The following FREM3 variants were observed in gnomAD, a reference collection of about 807,000 sequenced individuals.
FREM3 encodes FRAS1 related extracellular matrix 3.
FREM3 carries 105 observed loss-of-function variants against 129.1 expected under a neutral mutation model. That is an observed-to-expected ratio of 0.81 (90% CI 0.69 to 0.96). FREM3 has a LOEUF of 0.96. Ranked by LOEUF, FREM3 falls within the 40% of genes least tolerant of loss-of-function variation. The pLI, the probability that FREM3 is intolerant of heterozygous loss-of-function variation, is 0.00. For synonymous variants in FREM3, 1,014 were observed against 1,044.9 expected, an observed-to-expected ratio of 0.97 and a Z score of 0.57; for missense variants, 2,593 against 2,666.3, an observed-to-expected ratio of 0.97 and a Z score of 0.61.
chr4:143,683,945 G>A (rs1039960997), intron 2 of FREM3, among the ~76,000 whole-genome samples: 2 of 152,052 alleles, frequency 1.3e-5, no homozygotes, highest in African/African-American at 4.8e-5. Context: ...CTTCCTAGGT[G>A]CACAACTCCA....
At position 143,585,207 on chromosome 4, in the gene FREM3, C is replaced by T. The variant is rs147575589; in HGVS notation, c.6178+637G>A. On this transcript the variant is annotated intron_variant, in intron 7 of 7. Coordinates refer to ENST00000329798, the MANE Select transcript of FREM3 (RefSeq NM_001168235.2). The surrounding 1 kb of genome is among the most constrained non-coding windows in gnomAD (Gnocchi z 4.2). ...ATATAAAATTAACAACCTAACACCACACCAAAAGGTCACAACTGCAAATGA... is the reference window on the plus strand; with the variant it reads ...ATATAAAATTAACAACCTAACACCATACCAAAAGGTCACAACTGCAAATGA... Among the ~76,000 whole-genome samples the T allele has an allele frequency of 4.6e-5, 7 of 152,340 alleles. No individual in the cohort carries two copies. The East Asian group carries it at 1.2e-3, about 25-fold the overall frequency.
At chr4:143,670,942 G>A (rs998545901) in intron 2 of FREM3, among the ~76,000 whole-genome samples, 3 of 152,012 alleles carry the variant, frequency 2.0e-5, no homozygotes, top group Non-Finnish European at 4.4e-5. Flanking sequence ...GAATGCAAAT[G>A]TTTTAATGCA....
chr4:143,622,091 C>CT (rs35974796), intron 4 of FREM3, among the ~76,000 whole-genome samples: 5,680 of 137,348 alleles, frequency 0.041, 354 homozygotes, highest in African/African-American at 0.13. Flanking sequence ...AGGCAATCAC[C>CT]TTTTTTTTTT....
At chr4:143,669,181 T>C (rs2149855158) in intron 2 of FREM3, among the ~76,000 whole-genome samples, 1 of 152,192 alleles carries the variant, frequency 6.6e-6, no homozygotes, top group African/African-American at 2.4e-5. Context: ...TAAAAATGAG[T>C]CTAAGACTGA....
Position 143,613,866 on chromosome 4 carries a change from C to G in FREM3, c.5780-2339G>C, listed in dbSNP as rs140855194. On this transcript the variant is annotated intron_variant, in intron 5 of 7. Transcript: ENST00000329798. ...CGCATAGTAACTAACACTATCTTCA[C>G]TAAATATAACTATCTGTATTAAACC... 3.3e-5 allele frequency among the ~76,000 whole-genome samples: 5 copies of G among 152,312 alleles called. No homozygotes were observed. In the East Asian group the frequency reaches 7.7e-4, roughly 24 times the overall value.
At chr4:143,650,341 C>T (rs1307470862) in intron 2 of FREM3, among the ~76,000 whole-genome samples, 1 of 152,222 alleles carries the variant, frequency 6.6e-6, no homozygotes, top group African/African-American at 2.4e-5. Context: ...GGATGCTATA[C>T]TTGACCTTCC....
intron 2 of FREM3, among the ~76,000 whole-genome samples, chr4:143,673,785 G>C (rs1740051151): frequency 6.6e-6 from 1 of 152,264 alleles, no homozygotes; most frequent in Non-Finnish European, 1.5e-5. Flanking sequence ...TCAAGCCTCA[G>C]CAATGGCAGT....
At chr4:143,675,718 G>A (rs1257587316) in intron 2 of FREM3, among the ~76,000 whole-genome samples, 2 of 152,172 alleles carry the variant, frequency 1.3e-5, no homozygotes, top group South Asian at 2.1e-4. Flanking sequence ...TATCACCACT[G>A]ATCCCACAGA....
intron 2 of FREM3, among the ~76,000 whole-genome samples, chr4:143,650,009 T>G (rs1193972275): frequency 6.6e-6 from 1 of 152,266 alleles, no homozygotes; most frequent in Non-Finnish European, 1.5e-5. Context: ...TTAGTTATGC[T>G]GTTTCTATCT....
chr4:143,675,304 G>A lies in FREM3; in HGVS notation c.5275+17809C>T, dbSNP rs568086516. On this transcript the variant is annotated intron_variant, in intron 2 of 7. Transcript: ENST00000329798. ...CCTGAATGACTACTGGGTACATAACGAAATGAAAGCAGAAATAAAGATGTT... is the reference window on the plus strand; with the variant it reads ...CCTGAATGACTACTGGGTACATAACAAAATGAAAGCAGAAATAAAGATGTT... Among the ~76,000 whole-genome samples the A allele has an allele frequency of 6.0e-3, 915 of 152,148 alleles. 6 individuals are homozygous for A. The highest frequency in any genetic ancestry group is 0.02 in the African/African-American group (843 of 41,472).
chr4:143,636,295 A>G (rs1304388384), intron 2 of FREM3, among the ~76,000 whole-genome samples: 2 of 148,152 alleles, frequency 1.3e-5, no homozygotes, highest in Non-Finnish European at 3.0e-5. Context: ...GATGCCCATT[A>G]CGAGGTAAAT....
chr4:143,637,450 A>G (rs1365719443), intron 2 of FREM3, among the ~76,000 whole-genome samples: 2 of 152,126 alleles, frequency 1.3e-5, no homozygotes, highest in Admixed American at 6.6e-5. Context: ...GAAATTTGCC[A>G]TATTCCCTTC....
Position 143,700,461 on chromosome 4 carries a change from G to T in FREM3, c.215C>A (p.Pro72His). 6.6e-7 allele frequency: 1 copy of T among 1,516,464 alleles called. No homozygotes were observed. The highest frequency in any genetic ancestry group is 2.5e-5 in the East Asian group (1 of 40,588). The allele number at this position is 1,516,464 out of a possible 1,614,324, so 93.9% of individuals were successfully genotyped here. A position where few individuals can be genotyped will look rare whatever the true frequency, so the allele number is the denominator to read the frequency against. The change falls in exon 1 of 8, where the codon CCC becomes CAC. Residue 72 changes from proline (P) to histidine (H), a missense_variant. Pro to His is a moderately conservative substitution (Grantham distance 77, BLOSUM62 -2). This residue lies in a region of FREM3 where 2,276 missense variants were observed against 2,267.2 expected (regional missense o/e 1.00). Coordinates refer to ENST00000329798, the MANE Select transcript of FREM3 (RefSeq NM_001168235.2). Reference sequence around the variant, plus strand: ...GTCGAGCCAAAGGGAACGACCCAGGGGCACCCGGAGTCCAGGGTTGGCAAT... The same window carrying T: ...GTCGAGCCAAAGGGAACGACCCAGGTGCACCCGGAGTCCAGGGTTGGCAAT... Reference protein sequence around the residue: ...VLIANPGLRVPLGRSLWLDPL... With the variant: ...VLIANPGLRVHLGRSLWLDPL...
intron 2 of FREM3, among the ~76,000 whole-genome samples, chr4:143,677,283 G>A (rs1431083420): frequency 2.6e-5 from 4 of 152,184 alleles, no homozygotes; most frequent in African/African-American, 9.7e-5. Flanking sequence ...ACAAAAACAG[G>A]AAATGGGGAA....
At chr4:143,629,330 C>T (rs535063688) in intron 2 of FREM3, among the ~76,000 whole-genome samples, 1 of 152,298 alleles carries the variant, frequency 6.6e-6, no homozygotes, top group South Asian at 2.1e-4. Context: ...ACTGCAGGTT[C>T]TGATCTATAG....
intron 2 of FREM3, among the ~76,000 whole-genome samples, chr4:143,662,085 T>C (rs985485390): frequency 2.6e-5 from 4 of 151,992 alleles, no homozygotes; most frequent in African/African-American, 7.2e-5. Context: ...GTGTCTCTAT[T>C]TCCTTCAGTT....
chr4:143,693,252 T>C, intron 1 of FREM3, 50 bp from the exon 2 acceptor site: 1 of 926,650 alleles, frequency 1.1e-6, no homozygotes. Context: ...CAAATGAAAA[T>C]GAGTATGTTA....
chr4:143,699,123 A>T lies in FREM3; in HGVS notation c.1553T>A (p.Ile518Asn). 1 of 1,537,442 alleles carries T rather than the reference A, an allele frequency of 6.5e-7. No homozygotes were observed. Among genetic ancestry groups the T allele is most frequent in the African/African-American group, 1.4e-5 (1 of 73,140 alleles). ...DGSNTYSDNI[I>N]FRMEDGHHQV... ...GTGGTGCCCGTCCTCCATCCGGAAG[A>T]TGATATTGTCACTGTAGGTGTTGCT... Residue 518 changes from isoleucine to asparagine, a missense_variant, in exon 1 of 8, where the codon ATC becomes AAC. Ile to Asn is a moderately radical substitution (Grantham distance 149). Coordinates refer to ENST00000329798, the MANE Select transcript of FREM3 (RefSeq NM_001168235.2). This position sits in a 1 kb window ranked among gnomAD's most constrained non-coding sequence, Gnocchi z 4.2.
At chr4:143,686,646 T>G (rs1740369936) in intron 2 of FREM3, among the ~76,000 whole-genome samples, 1 of 152,084 alleles carries the variant, frequency 6.6e-6, no homozygotes, top group South Asian at 2.1e-4. Context: ...CATAGTAGAA[T>G]AAAACTGGAA....
Sources: gnomAD v4.1 joint callset for allele counts (sites outside exome capture counted in the v4.1 genomes callset) on GRCh38, gnomAD v4.1.1 for gene constraint, gnomAD v4.1.1 regional missense constraint, Gnocchi (gnomAD v3.1) non-coding constraint, MANE v1.5 for transcripts, NCBI Gene and HGNC (gene_info 2026-07-23, HGNC 2026-07-21) for gene names.